The following COL21A1 variants were observed in gnomAD, a reference collection of about 807,000 sequenced individuals.
COL21A1 encodes collagen type XXI alpha 1 chain.
In COL21A1, 149 loss-of-function variants were observed where a neutral mutation model predicts 137.9. The ratio of observed to expected loss-of-function variants is 1.08; its 90% CI spans 0.95 to 1.24. The LOEUF (loss-of-function observed/expected upper bound fraction) is 1.24, where lower values mean the gene tolerates loss of function less well. Ranked by LOEUF, COL21A1 falls within the 50% of genes most tolerant of loss-of-function variation. The pLI is 0.00. For missense variants in COL21A1, 1,167 were observed against 1,158.4 expected (o/e 1.01, Z -0.11); for synonymous variants, 456 against 391.5 (o/e 1.16, Z -1.95).
At chr6:56,158,253 C>CTTTTTTTTTTTTTTT (rs59381031) in intron 9 of COL21A1, among the ~76,000 whole-genome samples, 1 of 104,906 alleles carries the variant, frequency 9.5e-6, no homozygotes, top group Non-Finnish European at 1.8e-5. Context: ...TGGGTTTTTT[C>CTTTTTTTTTTTTTTT]TTTTTTTTTT....
At position 56,270,481 on chromosome 6, in the gene COL21A1, A is replaced by G. The variant is rs1582746569; in HGVS notation, c.-38-87825T>C. 2.0e-5 allele frequency among the ~76,000 whole-genome samples: 3 copies of G among 152,334 alleles called. No homozygotes were observed. In the South Asian group the frequency reaches 6.2e-4, roughly 32 times the overall value. On this transcript the variant is annotated intron_variant, in intron 1 of 28. Coordinates refer to the COL21A1 transcript ENST00000370819. ...TACAATAATAATGGGAGACTTCTAC[A>G]TCCCACTGACAGTATTAGACAGACC...
chr6:56,235,000 G>T (rs567272738), intron 1 of COL21A1, among the ~76,000 whole-genome samples: 2 of 151,590 alleles, frequency 1.3e-5, no homozygotes, highest in African/African-American at 2.4e-5. Flanking sequence ...CTACTTCTCC[G>T]CACCTAAACC....
chr6:56,378,079 C>G (rs2094002585), intron 1 of COL21A1, among the ~76,000 whole-genome samples: 1 of 152,146 alleles, frequency 6.6e-6, no homozygotes, highest in South Asian at 2.1e-4. Context: ...TACCCAGGTA[C>G]TACGTGGAGG....
chr6:56,287,097 A>G (rs759624391), intron 1 of COL21A1, among the ~76,000 whole-genome samples: 2 of 152,242 alleles, frequency 1.3e-5, no homozygotes, highest in African/African-American at 2.4e-5. Context: ...ATAGAAATCA[A>G]AAATGATCAA....
chr6:56,256,364 T>C (rs62411895), intron 1 of COL21A1, among the ~76,000 whole-genome samples: 25,826 of 152,132 alleles, frequency 0.17, 2,876 homozygotes, highest in Non-Finnish European at 0.26. Flanking sequence ...AACAATATAT[T>C]TTCCTTTCAA....
intron 1 of COL21A1, among the ~76,000 whole-genome samples, chr6:56,310,168 C>T (rs1311568693): frequency 6.7e-6 from 1 of 149,760 alleles, no homozygotes; most frequent in Non-Finnish European, 1.5e-5. Flanking sequence ...TAATCAGAAA[C>T]GCAAAAAGAA....
At chr6:56,080,468 A>C (rs1167510008) in intron 17 of COL21A1, among the ~76,000 whole-genome samples, 2 of 151,814 alleles carry the variant, frequency 1.3e-5, no homozygotes, top group African/African-American at 4.8e-5. Flanking sequence ...AGAAATACAT[A>C]CTTTAGAATA....
At chr6:56,356,806 A>G (rs1249966873) in intron 1 of COL21A1, among the ~76,000 whole-genome samples, 3 of 152,156 alleles carry the variant, frequency 2.0e-5, no homozygotes, top group African/African-American at 4.8e-5. Flanking sequence ...AATAACATCA[A>G]AAGTTCAGTC....
At chr6:56,226,868 GA>G (rs5876496) in intron 1 of COL21A1, among the ~76,000 whole-genome samples, 95,647 of 151,692 alleles carry the variant, frequency 0.63, 30,466 homozygotes, top group East Asian at 0.86. Context: ...AGGTCACTGA[GA>G]AGAATTAAGA....
At chr6:56,240,956 G>T (rs10484710) in intron 1 of COL21A1, among the ~76,000 whole-genome samples, 6,532 of 152,188 alleles carry the variant, frequency 0.043, 207 homozygotes, top group Non-Finnish European at 0.069. Context: ...TTTGAATTAG[G>T]TTCCAAGTGC....
At chr6:56,222,143 C>A (rs1780873037) in intron 1 of COL21A1, among the ~76,000 whole-genome samples, 1 of 151,978 alleles carries the variant, frequency 6.6e-6, no homozygotes, top group Non-Finnish European at 1.5e-5. Context: ...CATGGTGGTG[C>A]ATGCCTGTAA....
At chr6:56,355,634 A>C (rs1436025588) in intron 1 of COL21A1, among the ~76,000 whole-genome samples, 2 of 152,186 alleles carry the variant, frequency 1.3e-5, no homozygotes, top group East Asian at 3.8e-4. Context: ...AAGGTATGAT[A>C]ATGGTATTGT....
chr6:56,379,461 G>A (rs1335076310), intron 1 of COL21A1, among the ~76,000 whole-genome samples: 1 of 152,178 alleles, frequency 6.6e-6, no homozygotes, highest in Non-Finnish European at 1.5e-5. Flanking sequence ...TATCATTAAA[G>A]ACCCAGGGCA....
intron 28 of COL21A1, 42 bp from the exon 29 acceptor site, chr6:56,059,284 C>T (rs1440198369): frequency 1.4e-5 from 19 of 1,367,950 alleles, no homozygotes; most frequent in Non-Finnish European, 1.8e-5. Flanking sequence ...CTTAAAATCA[C>T]TGCCTTCTAG....
At chr6:56,078,038 G>A (rs1767397281) in intron 17 of COL21A1, 1 of 454,956 alleles carries the variant, frequency 2.2e-6, no homozygotes, top group Non-Finnish European at 4.4e-6. Flanking sequence ...AAATACCCAA[G>A]AACCTAAATA....
At chr6:56,232,525 T>C (rs896894013) in intron 1 of COL21A1, among the ~76,000 whole-genome samples, 2 of 151,908 alleles carry the variant, frequency 1.3e-5, no homozygotes, top group Non-Finnish European at 1.5e-5. Context: ...GAAACTCTCC[T>C]ATCTCATTGT....
intron 12 of COL21A1, among the ~76,000 whole-genome samples, chr6:56,135,257 A>G (rs1022897455): frequency 3.9e-5 from 6 of 152,144 alleles, no homozygotes; most frequent in African/African-American, 1.2e-4. Context: ...TATGAAATGC[A>G]TATAAAAATC....
intron 1 of COL21A1, among the ~76,000 whole-genome samples, chr6:56,380,042 T>C (rs1158383679): frequency 6.6e-6 from 1 of 152,186 alleles, no homozygotes; most frequent in Non-Finnish European, 1.5e-5. Flanking sequence ...TAGGGCCTAG[T>C]AGAAGATGTT....
chr6:56,206,697 A>AATATATATATAT (rs1204449084), intron 1 of COL21A1, among the ~76,000 whole-genome samples: 32 of 32,156 alleles, frequency 1.0e-3, no homozygotes, highest in East Asian at 1.9e-3. Flanking sequence ...TAAATAAATA[A>AATATATATATAT]ATATATATAT....
Sources: allele counts gnomAD v4.1 joint callset (sites outside exome capture counted in the v4.1 genomes callset), GRCh38; gene constraint gnomAD v4.1.1; transcripts MANE v1.5; gene names NCBI Gene and HGNC (gene_info 2026-07-23, HGNC 2026-07-21).